The following LRP1B variants were observed in gnomAD, a reference collection of about 807,000 sequenced individuals.
LRP1B encodes the protein low-density lipoprotein receptor-related protein 1B.
In LRP1B, 217 loss-of-function variants were observed where a neutral mutation model predicts 556.6. The ratio of observed to expected loss-of-function variants is 0.39; its 90% CI spans 0.35 to 0.44. The LOEUF is 0.44. Among genes scored for constraint, LRP1B ranks in the 20% least tolerant of loss-of-function variants. LRP1B has a pLI of 1.00. For synonymous variants in LRP1B, 2,047 were observed against 1,865.8 expected (o/e 1.10, Z -2.50); for missense variants, 5,053 against 5,620.8 (o/e 0.90, Z 3.23).
chr2:140,887,465 C>T (rs1693670396), intron 23 of LRP1B, among the ~76,000 whole-genome samples: 1 of 152,028 alleles, frequency 6.6e-6, no homozygotes, highest in Admixed American at 6.6e-5. Flanking sequence ...ATGATTTTTC[C>T]TCCACTCATA....
At chr2:141,419,564 A>G (rs753490879) in intron 3 of LRP1B, among the ~76,000 whole-genome samples, 1 of 152,140 alleles carries the variant, frequency 6.6e-6, no homozygotes, top group African/African-American at 2.4e-5. Context: ...TTGTTGTTGC[A>G]TAATTGCTCA....
intron 3 of LRP1B, among the ~76,000 whole-genome samples, chr2:141,443,502 G>A (rs1681064357): frequency 6.6e-6 from 1 of 152,044 alleles, no homozygotes; most frequent in South Asian, 2.1e-4. Context: ...TGAAGTCTTT[G>A]CCCATTCCTG....
chr2:140,736,217 T>C (rs1041254472), intron 35 of LRP1B, among the ~76,000 whole-genome samples: 2 of 152,244 alleles, frequency 1.3e-5, no homozygotes, highest in South Asian at 4.1e-4. Flanking sequence ...TTATGTTCCA[T>C]GGGAAGCTTC....
intron 84 of LRP1B, among the ~76,000 whole-genome samples, chr2:140,283,560 T>C (rs1026877678): frequency 2.0e-5 from 3 of 151,512 alleles, no homozygotes; most frequent in African/African-American, 7.3e-5. Flanking sequence ...TCTTGATCAG[T>C]GACATCTCTA....
intron 1 of LRP1B, among the ~76,000 whole-genome samples, chr2:141,916,430 T>C (rs1224888254): frequency 6.6e-6 from 1 of 151,692 alleles, no homozygotes; most frequent in Admixed American, 6.6e-5. Flanking sequence ...AGCGGCACAA[T>C]CTCGGCTCAC....
intron 3 of LRP1B, among the ~76,000 whole-genome samples, chr2:141,400,212 G>C (rs1690399961): frequency 1.3e-5 from 2 of 152,074 alleles, no homozygotes; most frequent in South Asian, 4.1e-4. Flanking sequence ...TTCCTGGGCT[G>C]AAGCAATCCT....
intron 2 of LRP1B, among the ~76,000 whole-genome samples, chr2:141,519,370 TATATATATATA>T (rs1559118073): frequency 5.7e-5 from 1 of 17,428 alleles, no homozygotes. Flanking sequence ...GATATATATA[TATATATATATA>T]TATATATATA....
chr2:140,755,219 T>C (rs1038012764), intron 35 of LRP1B, among the ~76,000 whole-genome samples: 29 of 152,148 alleles, frequency 1.9e-4, no homozygotes, highest in African/African-American at 5.1e-4. Flanking sequence ...TGACTTTACT[T>C]GATATTTCTA....
chr2:140,483,636 ATATATTT>A (rs1218042774), intron 59 of LRP1B, among the ~76,000 whole-genome samples: 33 of 72,328 alleles, frequency 4.6e-4, no homozygotes, highest in Non-Finnish European at 8.4e-4. Context: ...ATATATATAT[ATATATTT>A]TTTTTTTTTT....
intron 59 of LRP1B, among the ~76,000 whole-genome samples, chr2:140,476,121 C>T (rs772966378): frequency 2.2e-4 from 33 of 151,958 alleles, no homozygotes; most frequent in Admixed American, 1.0e-3. Context: ...ATGCAAATAA[C>T]GTATAAGCGG....
chr2:141,606,337 A>T (rs1313988691), intron 2 of LRP1B, among the ~76,000 whole-genome samples: 2 of 152,216 alleles, frequency 1.3e-5, no homozygotes, highest in African/African-American at 4.8e-5. Context: ...TAAGTTTTAT[A>T]TTAGTGTTTG....
Position 140,689,880 on chromosome 2 carries a change from T to TTGC in LRP1B, c.6799+10369_6799+10370insGCA, listed in dbSNP as rs1686177761. Among the ~76,000 whole-genome samples, 3 of 152,290 alleles carry TTGC rather than the reference T, an allele frequency of 2.0e-5. No homozygotes were observed. The East Asian group carries it at 5.8e-4, about 29-fold the overall frequency. ...CTGATTCTGCAAACAGAAACCTTGT[T>TTGC]AGAATTTCTAACATGATGTACTGGG... is the stretch of plus-strand genomic sequence containing the variant. On this transcript the variant is annotated intron_variant, in intron 41 of 90. Coordinates refer to ENST00000389484, the MANE Select transcript of LRP1B (RefSeq NM_018557.3).
At chr2:141,929,218 C>T (rs1332018253) in intron 1 of LRP1B, among the ~76,000 whole-genome samples, 1 of 152,070 alleles carries the variant, frequency 6.6e-6, no homozygotes, top group Non-Finnish European at 1.5e-5. Context: ...TAGGAGACCA[C>T]TTCCAATGCC....
chr2:141,992,402 C>T (rs989155442), intron 1 of LRP1B, among the ~76,000 whole-genome samples: 2 of 152,010 alleles, frequency 1.3e-5, no homozygotes, highest in Admixed American at 6.6e-5. Flanking sequence ...CACATTGCCC[C>T]CATTAATTGG....
At chr2:140,790,940 A>ATTT (rs201743296) in intron 32 of LRP1B, among the ~76,000 whole-genome samples, 13 of 143,244 alleles carry the variant, frequency 9.1e-5, no homozygotes, top group Admixed American at 2.8e-4. Flanking sequence ...GTCTCTACAA[A>ATTT]TTTTTTTTTT....
chr2:142,007,614 C>T (rs780315374), intron 1 of LRP1B, among the ~76,000 whole-genome samples: 2 of 152,104 alleles, frequency 1.3e-5, no homozygotes, highest in African/African-American at 2.4e-5. Flanking sequence ...TTAAATTTGG[C>T]ATGTTTACTT....
At chr2:141,208,026 CAT>C (rs1426573349) in intron 6 of LRP1B, 1 of 152,146 alleles carries the variant, frequency 6.6e-6, no homozygotes, top group Non-Finnish European at 1.5e-5. Flanking sequence ...AAATTAGACT[CAT>C]AGTTGGGCAG....
intron 2 of LRP1B, among the ~76,000 whole-genome samples, chr2:141,754,820 T>C (rs558918053): frequency 6.6e-6 from 1 of 152,308 alleles, no homozygotes; most frequent in African/African-American, 2.4e-5. Flanking sequence ...TAATAAATTA[T>C]GAAATCATAT....
In LRP1B at chr2:140,358,882, C is replaced by A. The variant is rs138052993; in HGVS notation, c.11196G>T (p.Ser3732=). Residue 3732 remains serine, a synonymous_variant, in exon 73 of 91, where the codon TCG becomes TCT. Transcript: ENST00000389484. Reference sequence around the variant, plus strand: ...CATCAATCCCATTGCACATTTGCTCCGACTGTAGGCATATTCTGTTATTTC... The same window carrying A: ...CATCAATCCCATTGCACATTTGCTCAGACTGTAGGCATATTCTGTTATTTC... ...RCRNNRICLQ[S]EQMCNGIDEC... 6.2e-7 allele frequency: 1 copy of A among 1,609,084 alleles called. No homozygotes were observed. Among genetic ancestry groups the A allele is most frequent in the Admixed American group, 1.7e-5 (1 of 59,820 alleles).
Sources: gnomAD v4.1 joint callset for allele counts (sites outside exome capture counted in the v4.1 genomes callset) on GRCh38, gnomAD v4.1.1 for gene constraint, MANE v1.5 for transcripts, NCBI Gene and HGNC (gene_info 2026-07-23, HGNC 2026-07-21) for gene names.